Variants in PTPRD observed in about 807,000 individuals in gnomAD.
PTPRD encodes the protein receptor-type tyrosine-protein phosphatase delta.
PTPRD carries 34 observed loss-of-function variants against 214.5 expected under a neutral mutation model. The observed-to-expected ratio is 0.16, with a 90% CI of 0.12 to 0.21. The LOEUF (loss-of-function observed/expected upper bound fraction) is 0.21. Ranked by LOEUF, PTPRD falls within the 10% of genes least tolerant of loss-of-function variation. The pLI is 1.00. For missense variants in PTPRD, 2,545 were observed against 2,398.7 expected, an observed-to-expected ratio of 1.06 and a Z score of -1.27; for synonymous variants, 1,128 against 845.7, an observed-to-expected ratio of 1.33 and a Z score of -5.79.
intron 14 of PTPRD, among the ~76,000 whole-genome samples, chr9:8,530,684 T>A (rs975248648): frequency 6.6e-6 from 1 of 152,070 alleles, no homozygotes. Flanking sequence ...GTTTAAAAAA[T>A]ATATATATCC....
chr9:9,578,698 C>T (rs1050886786), intron 7 of PTPRD, among the ~76,000 whole-genome samples: 3 of 151,980 alleles, frequency 2.0e-5, no homozygotes, highest in Admixed American at 6.6e-5. Flanking sequence ...AGTTGATGCT[C>T]AGAAAAGTTT....
chr9:10,532,812 C>A (rs1023189035), intron 2 of PTPRD, among the ~76,000 whole-genome samples: 5 of 151,764 alleles, frequency 3.3e-5, no homozygotes, highest in South Asian at 2.1e-4. Flanking sequence ...GACTAAAATT[C>A]TCTTAGGTTG....
intron 12 of PTPRD, among the ~76,000 whole-genome samples, chr9:8,731,081 GT>G (rs1233031454): frequency 1.3e-5 from 2 of 152,170 alleles, no homozygotes; most frequent in African/African-American, 4.8e-5. Flanking sequence ...TCCAACCTAG[GT>G]TTGAACCAAG....
intron 7 of PTPRD, among the ~76,000 whole-genome samples, chr9:9,680,252 A>T (rs750522984): frequency 2.6e-5 from 4 of 151,890 alleles, no homozygotes; most frequent in Non-Finnish European, 5.9e-5. Context: ...CAAGAAGATA[A>T]GTACATTTTC....
intron 9 of PTPRD, among the ~76,000 whole-genome samples, chr9:9,266,582 T>C (rs1939824912): frequency 6.7e-6 from 1 of 150,040 alleles, no homozygotes; most frequent in Middle Eastern, 3.4e-3. Context: ...AAACTAGGTA[T>C]CAATAAGTGA....
intron 11 of PTPRD, among the ~76,000 whole-genome samples, chr9:8,827,786 T>A (rs191233913): frequency 1.3e-5 from 2 of 152,290 alleles, no homozygotes. Context: ...TTATTAAAAT[T>A]TATGAATTAA....
intron 3 of PTPRD, among the ~76,000 whole-genome samples, chr9:10,077,547 T>A (rs532590798): frequency 6.6e-6 from 1 of 152,154 alleles, no homozygotes; most frequent in East Asian, 1.9e-4. Context: ...ATTATACAGA[T>A]AAGTTGCATG....
chr9:10,550,793 T>A (rs2061169089), intron 2 of PTPRD, among the ~76,000 whole-genome samples: 2 of 152,206 alleles, frequency 1.3e-5, no homozygotes, highest in Non-Finnish European at 2.9e-5. Context: ...CTGAAATTGG[T>A]TGGGCAAAAG....
intron 10 of PTPRD, among the ~76,000 whole-genome samples, chr9:9,072,280 T>TACACACACACACAC (rs201508445): frequency 5.5e-4 from 75 of 135,720 alleles, no homozygotes; most frequent in Middle Eastern, 7.4e-3. Context: ...GCTGGCAACT[T>TACACACACACACAC]ACACACACAC....
intron 35 of PTPRD, among the ~76,000 whole-genome samples, chr9:8,408,938 T>A (rs2093289560): frequency 6.6e-6 from 1 of 152,218 alleles, no homozygotes; most frequent in African/African-American, 2.4e-5. Context: ...ATAAAACACT[T>A]TGCATTTATT....
At chr9:10,020,302 T>G (rs1467075197) in intron 4 of PTPRD, among the ~76,000 whole-genome samples, 5 of 152,048 alleles carry the variant, frequency 3.3e-5, no homozygotes, top group Non-Finnish European at 7.4e-5. Flanking sequence ...ATTAGTTTCT[T>G]TTTCTTTTTC....
intron 39 of PTPRD, among the ~76,000 whole-genome samples, chr9:8,358,583 T>C (rs1057259601): frequency 2.6e-5 from 4 of 152,172 alleles, no homozygotes; most frequent in African/African-American, 9.7e-5. Flanking sequence ...CTAAGTTTTC[T>C]ATGATACTGT....
chr9:10,590,900 T>C (rs934097907), intron 2 of PTPRD, among the ~76,000 whole-genome samples: 4 of 150,400 alleles, frequency 2.7e-5, no homozygotes, highest in African/African-American at 7.3e-5. Context: ...GCAAATTATA[T>C]AAAATATATA....
intron 11 of PTPRD, among the ~76,000 whole-genome samples, chr9:8,916,164 G>C (rs1295104124): frequency 6.6e-6 from 1 of 152,128 alleles, no homozygotes; most frequent in Non-Finnish European, 1.5e-5. Context: ...CTGGGACTCA[G>C]AAGAGAAGTT....
chr9:10,357,196 T>A (rs1373162116), intron 2 of PTPRD, among the ~76,000 whole-genome samples: 2 of 152,182 alleles, frequency 1.3e-5, no homozygotes, highest in African/African-American at 4.8e-5. Context: ...TAGATCATTT[T>A]ATGTACTGAA....
intron 3 of PTPRD, among the ~76,000 whole-genome samples, chr9:10,338,151 G>A (rs1294305346): frequency 6.6e-6 from 1 of 151,576 alleles, no homozygotes; most frequent in African/African-American, 2.4e-5. Flanking sequence ...GGTCTTGCTA[G>A]CAGTATCAAA....
At chr9:9,786,483 A>G (rs1450790277) in intron 5 of PTPRD, among the ~76,000 whole-genome samples, 1 of 152,230 alleles carries the variant, frequency 6.6e-6, no homozygotes, top group Non-Finnish European at 1.5e-5. Context: ...AGCATTTTGT[A>G]CCATAAATGC....
At chr9:9,370,830 G>C (rs1195047101) in intron 9 of PTPRD, among the ~76,000 whole-genome samples, 1 of 152,094 alleles carries the variant, frequency 6.6e-6, no homozygotes, top group East Asian at 1.9e-4. Context: ...AAGTGTTGTT[G>C]AATTTTGTCA....
intron 12 of PTPRD, among the ~76,000 whole-genome samples, chr9:8,723,492 T>C (rs575537015): frequency 3.0e-4 from 45 of 152,244 alleles, no homozygotes; most frequent in Admixed American, 1.2e-3. Flanking sequence ...CTCCACAACA[T>C]CCCAACTAGA....
Sources: allele counts gnomAD v4.1 joint callset (sites outside exome capture counted in the v4.1 genomes callset), GRCh38; gene constraint gnomAD v4.1.1; transcripts MANE v1.5; gene names NCBI Gene and HGNC (gene_info 2026-07-23, HGNC 2026-07-21).